RAD51B: variants seen among roughly 807,000 people sequenced by gnomAD.
The protein encoded by RAD51B is RAD51 paralog B.
In RAD51B, 38 loss-of-function variants were observed where a neutral mutation model predicts 42.2. That is an observed-to-expected ratio of 0.90 (90% CI 0.70 to 1.18). The LOEUF (loss-of-function observed/expected upper bound fraction) is 1.18, where lower values mean the gene tolerates loss of function less well. Ranked by LOEUF, RAD51B falls within the 50% of genes most tolerant of loss-of-function variation. The probability of loss-of-function intolerance (pLI) is 0.00; values close to 1 mark genes in which losing one functional copy is unlikely to be tolerated. For missense variants in RAD51B, 373 were observed against 400.7 expected, an observed-to-expected ratio of 0.93 and a Z score of 0.59; for synonymous variants, 154 against 145.2, an observed-to-expected ratio of 1.06 and a Z score of -0.43.
chr14:68,509,429 CTG>C (rs1456741478), intron 10 of RAD51B, among the ~76,000 whole-genome samples: 2 of 152,206 alleles, frequency 1.3e-5, no homozygotes, highest in African/African-American at 4.8e-5. Context: ...CTCAGTGACT[CTG>C]TTTCATCTGT....
intron 7 of RAD51B, among the ~76,000 whole-genome samples, chr14:67,940,254 A>G (rs2045150702): frequency 6.7e-6 from 1 of 149,918 alleles, no homozygotes. Context: ...TTGTATTTTT[A>G]GTAGAGATGG....
chr14:68,627,953 C>A (rs1383746732), intron 10 of RAD51B, among the ~76,000 whole-genome samples: 2 of 151,926 alleles, frequency 1.3e-5, no homozygotes, highest in Non-Finnish European at 2.9e-5. Context: ...CAGCCCACAA[C>A]CCAAAACAAA....
chr14:68,595,619 A>C (rs61985825), exon 11 of RAD51B: 36 of 1,061,886 alleles, frequency 3.4e-5, no homozygotes, highest in Non-Finnish European at 3.8e-5. Context: ...AGTCTCCCCA[A>C]TGTCTACATT....
Position 67,887,012 on chromosome 14 carries a change from C to G in RAD51B, c.573-9C>G, listed in dbSNP as rs1008737274. 7 of 1,426,798 alleles carry G rather than the reference C, an allele frequency of 4.9e-6. No individual in the cohort carries two copies. Among genetic ancestry groups the G allele is most frequent in the Non-Finnish European group, 2.9e-6 (3 of 1,051,492 alleles). 88.4% of individuals were successfully genotyped at this position (1,426,798 alleles called of 1,614,324 possible). On this transcript the variant is annotated splice_polypyrimidine_tract_variant and intron_variant, in intron 6 of 10. Transcript: ENST00000471583. The stretch of plus-strand genomic sequence containing the variant: ...TTTATTGACTATTTTATAAATTCTT[C>G]TTTTATAGGATTGAATCTTTGGAAG...
rs190136504 is a variant in RAD51B at position 68,659,007 on chromosome 14, G to A, written c.*11+8151G>A. Among the ~76,000 whole-genome samples, 189 of 152,288 alleles carry A rather than the reference G, an allele frequency of 1.2e-3. 1 individual carries two copies. Among genetic ancestry groups the A allele is most frequent in the African/African-American group, 4.3e-3 (178 of 41,544 alleles). ...GGGCGGGAGGGAGGAAAGGCTGGCG[G>A]GATGGTCTCTCCTCCATAACATGCC... On this transcript the variant is annotated intron_variant, in intron 11 of 11. Coordinates refer to the RAD51B transcript ENST00000488612.
intron 10 of RAD51B, among the ~76,000 whole-genome samples, chr14:68,470,334 G>A (rs1361020516): frequency 6.6e-6 from 1 of 152,140 alleles, no homozygotes; most frequent in Non-Finnish European, 1.5e-5. Flanking sequence ...GCTTTTACCA[G>A]CAATGCCCTT....
At chr14:68,408,026 G>A (rs571953291) in intron 8 of RAD51B, among the ~76,000 whole-genome samples, 1 of 152,258 alleles carries the variant, frequency 6.6e-6, no homozygotes, top group East Asian at 1.9e-4. Context: ...AGGTTAATCA[G>A]GTAGTAAAAC....
chr14:67,921,166 C>G (rs1311140992), intron 7 of RAD51B, among the ~76,000 whole-genome samples: 1 of 152,118 alleles, frequency 6.6e-6, no homozygotes, highest in Non-Finnish European at 1.5e-5. Flanking sequence ...CACTCCAGAC[C>G]TGGAAAATCA....
At chr14:68,627,560 G>A (rs534071882) in intron 10 of RAD51B, among the ~76,000 whole-genome samples, 2 of 152,226 alleles carry the variant, frequency 1.3e-5, no homozygotes, top group South Asian at 4.2e-4. Context: ...ATCTGGTTGG[G>A]ACTGCCTTTC....
intron 7 of RAD51B, among the ~76,000 whole-genome samples, chr14:68,258,830 C>G (rs917600205): frequency 4.6e-5 from 7 of 152,146 alleles, no homozygotes; most frequent in Non-Finnish European, 1.0e-4. Flanking sequence ...GGAATAAACA[C>G]CCACTCAAGC....
chr14:68,192,479 A>G (rs1439293393), intron 7 of RAD51B, among the ~76,000 whole-genome samples: 6 of 152,204 alleles, frequency 3.9e-5, no homozygotes, highest in Admixed American at 1.3e-4. Context: ...TCAGCTGATG[A>G]TAATAGAAAC....
downstream of RAD51B, among the ~76,000 whole-genome samples, chr14:68,599,793 A>G (rs979992368): frequency 3.3e-5 from 5 of 152,238 alleles, no homozygotes; most frequent in African/African-American, 1.2e-4. Flanking sequence ...GACAAGAAGG[A>G]AAAGACAGAA....
chr14:68,301,002 CAG>C (rs1321702744), intron 8 of RAD51B, among the ~76,000 whole-genome samples: 1 of 152,178 alleles, frequency 6.6e-6, no homozygotes, highest in Admixed American at 6.5e-5. Flanking sequence ...TCTCTACCCT[CAG>C]GGGAGTGTCT....
At chr14:67,867,082 TA>T (rs369167671) in intron 5 of RAD51B, among the ~76,000 whole-genome samples, 48 of 152,260 alleles carry the variant, frequency 3.2e-4, no homozygotes, top group African/African-American at 8.2e-4. Flanking sequence ...CCAAGTAGAA[TA>T]AAAAATATGA....
chr14:68,528,695 C>A, intron 10 of RAD51B, among the ~76,000 whole-genome samples: 1 of 20,468 alleles, frequency 4.9e-5, no homozygotes, highest in Non-Finnish European at 1.0e-4. Context: ...TTTTTTGAGA[C>A]GGAGTCTCGC....
chr14:68,357,658 A>T (rs915312513), intron 8 of RAD51B, among the ~76,000 whole-genome samples: 2 of 152,212 alleles, frequency 1.3e-5, no homozygotes, highest in African/African-American at 2.4e-5. Context: ...CATGAAAACA[A>T]CATTAACCTT....
At chr14:68,640,626 A>G (rs1355835098) in intron 10 of RAD51B, among the ~76,000 whole-genome samples, 3 of 152,242 alleles carry the variant, frequency 2.0e-5, no homozygotes, top group Non-Finnish European at 4.4e-5. Flanking sequence ...AAATGCAATG[A>G]TAGTAGTATT....
intron 7 of RAD51B, among the ~76,000 whole-genome samples, chr14:67,926,558 CTTTTTTT>C (rs534207569): frequency 0.034 from 2,902 of 85,198 alleles, 101 homozygotes; most frequent in African/African-American, 0.12. Context: ...GATATGTTTC[CTTTTTTT>C]TTTTTTTTTT....
chr14:68,398,536 G>C (rs2083993887), intron 8 of RAD51B, among the ~76,000 whole-genome samples: 1 of 152,108 alleles, frequency 6.6e-6, no homozygotes. Context: ...ACCAGCCCTG[G>C]CCTGTTTCAT....
Sources: gnomAD v4.1 joint callset for allele counts (sites outside exome capture counted in the v4.1 genomes callset) on GRCh38, gnomAD v4.1.1 for gene constraint, MANE v1.5 for transcripts, NCBI Gene and HGNC (gene_info 2026-07-23, HGNC 2026-07-21) for gene names.